CAT: variants seen among roughly 807,000 people sequenced by gnomAD.
The protein encoded by CAT is catalase.
In CAT, 43 loss-of-function variants were observed where a neutral mutation model predicts 59.0. The ratio of observed to expected loss-of-function variants is 0.73; its 90% CI spans 0.57 to 0.94. CAT has a LOEUF of 0.94. CAT is among the 40% of genes least tolerant of loss of function. CAT has a pLI of 0.00. For synonymous variants in CAT, 218 were observed against 230.9 expected (o/e 0.94, Z 0.51); for missense variants, 664 against 682.9 (o/e 0.97, Z 0.31).
chr11:34,468,188 G>GT (rs1013072015), intron 10 of CAT, 100 bp from the exon 11 acceptor site: 26 of 895,428 alleles, frequency 2.9e-5, no homozygotes, highest in Middle Eastern at 2.2e-4. Context: ...AACTTCTAAA[G>GT]TTTTTTTTAT....
At chr11:34,464,627 C>A (rs1856692292) in intron 10 of CAT, among the ~76,000 whole-genome samples, 1 of 152,030 alleles carries the variant, frequency 6.6e-6, no homozygotes, top group Admixed American at 6.6e-5. Flanking sequence ...GCTCCAGGAG[C>A]CTCGGCCACA....
chr11:34,450,942 C>T (rs367899575), intron 2 of CAT, 46 bp from the exon 3 acceptor site: 60 of 1,285,024 alleles, frequency 4.7e-5, no homozygotes, highest in Admixed American at 2.2e-4. Flanking sequence ...ACCTGAATGT[C>T]TGAGTAATGG....
At chr11:34,470,655 A>G in intron 11 of CAT, 1 of 394,540 alleles carries the variant, frequency 2.5e-6, no homozygotes, top group Non-Finnish European at 4.8e-6. Context: ...ATGGGGGACA[A>G]AGACCAAATA....
At chr11:34,455,512 CTA>C (rs1164887021) in intron 6 of CAT, among the ~76,000 whole-genome samples, 1 of 145,962 alleles carries the variant, frequency 6.9e-6, no homozygotes, top group African/African-American at 2.5e-5. Context: ...ACTCTATGAG[CTA>C]TGATTCTATG....
chr11:34,451,144 A>C, intron 3 of CAT, 46 bp downstream of exon 3: 1 of 1,079,466 alleles, frequency 9.3e-7, no homozygotes, highest in South Asian at 1.2e-5. Flanking sequence ...ACTCAACTTC[A>C]CCTTTTGGGG....
At chr11:34,470,529 G>A (rs763818685) in intron 11 of CAT, among the ~76,000 whole-genome samples, 14 of 152,124 alleles carry the variant, frequency 9.2e-5, no homozygotes, top group Non-Finnish European at 1.9e-4. Context: ...CCTTCTGATC[G>A]CGTGCTTGTT....
chr11:34,451,959 A>T, intron 3 of CAT, 118 bp from the exon 4 acceptor site: 1 of 1,044,404 alleles, frequency 9.6e-7, no homozygotes, highest in Non-Finnish European at 1.5e-6. Flanking sequence ...TTAAATACCT[A>T]ATTTAGTTCT....
At chr11:34,470,387 C>T (rs1417407349) in intron 11 of CAT, among the ~76,000 whole-genome samples, 3 of 152,134 alleles carry the variant, frequency 2.0e-5, no homozygotes, top group African/African-American at 4.8e-5. Context: ...CCTGACCTTG[C>T]CAGTTGTGGG....
At chr11:34,449,748 A>G (rs571083322) in intron 2 of CAT, among the ~76,000 whole-genome samples, 1 of 152,372 alleles carries the variant, frequency 6.6e-6, no homozygotes, top group East Asian at 1.9e-4. Context: ...TCTGATTGAT[A>G]AAACATCATC....
At position 34,471,529 on chromosome 11, in the gene CAT, G is replaced by A; in HGVS notation, c.*96G>A. 1 of 1,001,178 alleles carries A rather than the reference G, an allele frequency of 1.0e-6. No individual in the cohort carries two copies. Among genetic ancestry groups the A allele is most frequent in the Non-Finnish European group, 1.6e-6 (1 of 622,296 alleles). The allele number at this position is 1,001,178 out of a possible 1,614,324, so 62.0% of individuals were successfully genotyped here. A position where few individuals can be genotyped will look rare whatever the true frequency, so the allele number is the denominator to read the frequency against. ...ATTCTCCTGTGCTAGATGTGCAAATGCAAGCTAGTGGCTTCAAAATAGAGA... is the reference window on the plus strand; with the variant it reads ...ATTCTCCTGTGCTAGATGTGCAAATACAAGCTAGTGGCTTCAAAATAGAGA... On this transcript the variant is annotated 3_prime_UTR_variant, in exon 13 of 13. Transcript: ENST00000241052.
rs1414092277 is a variant in CAT at position 34,456,267 on chromosome 11, AT to A, written c.903+66del. ...CTCTTCTTACCTAATTAGAAAAAAAATCTAGTCAAACAATTATAATAATGGG... is the reference window on the plus strand; with the variant it reads ...CTCTTCTTACCTAATTAGAAAAAAAACTAGTCAAACAATTATAATAATGGG... On this transcript the variant is annotated intron_variant, in intron 7 of 12. Transcript: ENST00000241052. 1.1e-5 allele frequency: 13 copies of A among 1,235,068 alleles called. No individual in the cohort carries two copies. The Admixed American group carries it at 2.1e-4, about 20-fold the overall frequency. 76.5% of individuals were successfully genotyped at this position (1,235,068 alleles called of 1,614,324 possible).
chr11:34,443,046 A>G (rs978937875), intron 1 of CAT, among the ~76,000 whole-genome samples: 2 of 152,240 alleles, frequency 1.3e-5, no homozygotes, highest in Admixed American at 6.5e-5. Context: ...ACATTAAGAT[A>G]TTCTGTTAGA....
intron 11 of CAT, among the ~76,000 whole-genome samples, chr11:34,469,041 G>A (rs372800430): frequency 2.0e-5 from 3 of 152,318 alleles, no homozygotes; most frequent in African/African-American, 7.2e-5. Context: ...CTTCCAAAAG[G>A]CAGGCTAGAC....
intron 1 of CAT, among the ~76,000 whole-genome samples, chr11:34,446,743 C>T (rs2133179305): frequency 7.3e-6 from 1 of 136,094 alleles, no homozygotes. Context: ...TGGGATGTCC[C>T]CCCCTTTTTT....
chr11:34,465,489 A>T (rs1301830707), intron 10 of CAT, among the ~76,000 whole-genome samples: 1 of 152,202 alleles, frequency 6.6e-6, no homozygotes, highest in Non-Finnish European at 1.5e-5. Flanking sequence ...CCTCTCAAAG[A>T]ATTTTGCCTA....
intron 5 of CAT, among the ~76,000 whole-genome samples, 162 bp downstream of exon 5, chr11:34,453,356 C>T (rs1328399340): frequency 6.6e-6 from 1 of 152,116 alleles, no homozygotes; most frequent in African/African-American, 2.4e-5. Context: ...TACTAATCAT[C>T]CCCCATTCAT....
intron 8 of CAT, among the ~76,000 whole-genome samples, chr11:34,459,008 TG>T (rs985918384): frequency 7.9e-5 from 12 of 152,162 alleles, no homozygotes; most frequent in African/African-American, 1.7e-4. Context: ...CTTTATAGGT[TG>T]TTTTTTTTTT....
chr11:34,456,218 A>G lies in CAT; in HGVS notation c.903+16A>G, dbSNP rs757238384. ...TCTCACCAAGGTGAGTCAGTAAACA[A>G]CTATATTGTTTTCTTTTTTAAGTCT... On this transcript the variant is annotated intron_variant, in intron 7 of 12. Transcript: ENST00000241052. 1 of 1,597,034 alleles carries G rather than the reference A, an allele frequency of 6.3e-7. No individual in the cohort carries two copies. The highest frequency in any genetic ancestry group is 8.6e-7 in the Non-Finnish European group (1 of 1,165,330).
Position 34,461,309 on chromosome 11 carries a change from A to G in CAT, c.1115A>G (p.His372Arg), listed in dbSNP as rs779715008. The part of the protein sequence containing the change: ...HRHRLGPNYL[H>R]IPVNCPYRAR... ...CATCGCCTGGGACCCAATTATCTTC[A>G]TATACCTGTGAACTGTCCCTACCGT... Residue 372 changes from histidine to arginine, a missense_variant, in exon 9 of 13, where the codon CAT becomes CGT. Coordinates refer to ENST00000241052, the MANE Select transcript of CAT (RefSeq NM_001752.4). 3.7e-6 allele frequency: 6 copies of G among 1,613,862 alleles called. No individual in the cohort carries two copies. The South Asian group carries it at 4.4e-5, about 12-fold the overall frequency.
Sources: gnomAD v4.1 joint callset for allele counts (sites outside exome capture counted in the v4.1 genomes callset) on GRCh38, gnomAD v4.1.1 for gene constraint, MANE v1.5 for transcripts, NCBI Gene and HGNC (gene_info 2026-07-23, HGNC 2026-07-21) for gene names.